Variants in FAM169A observed in about 807,000 individuals in gnomAD.
FAM169A encodes the protein soluble lamin-associated protein of 75 kDa.
In FAM169A, 24 loss-of-function variants were observed where a neutral mutation model predicts 75.7. The observed-to-expected ratio is 0.32, with a 90% CI of 0.23 to 0.45. The LOEUF is 0.45. Among genes scored for constraint, FAM169A ranks in the 20% least tolerant of loss-of-function variants. The pLI is 1.00. For missense variants in FAM169A, 673 were observed against 784.0 expected, an observed-to-expected ratio of 0.86 and a Z score of 1.69; for synonymous variants, 271 against 271.0, an observed-to-expected ratio of 1.00 and a Z score of 0.00.
intron 1 of FAM169A, among the ~76,000 whole-genome samples, chr5:74,848,065 GACAC>G (rs1749251386): frequency 6.6e-6 from 1 of 151,904 alleles, no homozygotes; most frequent in Admixed American, 6.6e-5. Flanking sequence ...CAAAGGCCCA[GACAC>G]ACACACACCT....
Position 74,785,231 on chromosome 5 carries a change from T to G in FAM169A, c.1261-2097A>C, listed in dbSNP as rs183364874. ...GTACTCGGGAGGCTGAGGCAGAGAA[T>G]TGCTTGAACCTGGGAGGTAGAGGTT... On this transcript the variant is annotated intron_variant, in intron 11 of 12. Coordinates refer to ENST00000687041, the MANE Select transcript of FAM169A (RefSeq NM_001376049.1). 4.5e-3 allele frequency among the ~76,000 whole-genome samples: 685 copies of G among 151,958 alleles called. 3 individuals carry two copies. Among genetic ancestry groups the G allele is most frequent in the African/African-American group, 0.016 (645 of 41,456 alleles).
chr5:74,812,051 A>G (rs1747221871), intron 6 of FAM169A, among the ~76,000 whole-genome samples: 2 of 152,242 alleles, frequency 1.3e-5, no homozygotes, highest in Admixed American at 1.3e-4. Context: ...GGCTTCGACC[A>G]TATTGGCAAC....
In FAM169A at chr5:74,823,752, C is replaced by T. The variant is rs142414048; in HGVS notation, c.491-9733G>A. 2.1e-3 allele frequency among the ~76,000 whole-genome samples: 320 copies of T among 152,284 alleles called. 1 individual carries two copies. Among genetic ancestry groups the T allele is most frequent in the African/African-American group, 7.3e-3 (305 of 41,552 alleles). The stretch of plus-strand genomic sequence containing the variant: ...CATTTCAGGTAGCCACAGAGTAGTA[C>T]GGGACTCTCACATGCCTTTGCACAT... On this transcript the variant is annotated intron_variant, in intron 5 of 12. Coordinates refer to ENST00000687041, the MANE Select transcript of FAM169A (RefSeq NM_001376049.1).
chr5:74,810,807 T>C (rs1747146407), intron 6 of FAM169A, among the ~76,000 whole-genome samples: 1 of 129,794 alleles, frequency 7.7e-6, no homozygotes, highest in Non-Finnish European at 1.6e-5. Flanking sequence ...TATAACTTAA[T>C]AGATATTTGC....
At chr5:74,855,919 T>TAA (rs1749683404) in intron 1 of FAM169A, among the ~76,000 whole-genome samples, 6 of 152,264 alleles carry the variant, frequency 3.9e-5, no homozygotes, top group Admixed American at 3.9e-4. Context: ...TCTGAGGTCT[T>TAA]AGATTTCAGT....
At chr5:74,821,920 G>A (rs1348669526) in intron 5 of FAM169A, among the ~76,000 whole-genome samples, 4 of 152,206 alleles carry the variant, frequency 2.6e-5, no homozygotes, top group African/African-American at 9.6e-5. Context: ...GTGGCTGCAG[G>A]TGGAAGAAAC....
chr5:74,824,127 C>T (rs1747898032), intron 5 of FAM169A, among the ~76,000 whole-genome samples: 1 of 152,116 alleles, frequency 6.6e-6, no homozygotes, highest in African/African-American at 2.4e-5. Context: ...AAATACACTT[C>T]CTGGTATTGG....
intron 5 of FAM169A, among the ~76,000 whole-genome samples, chr5:74,818,865 C>T (rs1580122880): frequency 6.9e-6 from 1 of 145,754 alleles, no homozygotes; most frequent in Non-Finnish European, 1.5e-5. Context: ...GGCAGGTTTT[C>T]GTATGTCAGT....
chr5:74,811,788 C>A lies in FAM169A; in HGVS notation c.670+2052G>T, dbSNP rs528697065. ...TCCATAAAATGGAATACGGCATTGA[C>A]GATAAATGGAACTATACGAATCCAT... On this transcript the variant is annotated intron_variant, in intron 6 of 12. Coordinates refer to ENST00000687041, the MANE Select transcript of FAM169A (RefSeq NM_001376049.1). Among the ~76,000 whole-genome samples, 11 of 152,126 alleles carry A rather than the reference C, an allele frequency of 7.2e-5. No individual in the cohort carries two copies. The South Asian group carries it at 1.9e-3, about 26-fold the overall frequency.
intron 5 of FAM169A, among the ~76,000 whole-genome samples, chr5:74,818,799 C>CTATATATATATA: frequency 7.9e-6 from 1 of 125,980 alleles, no homozygotes. Flanking sequence ...CTCTCTCTCT[C>CTATATATATATA]TCTCTATATA....
In FAM169A at chr5:74,777,768, C is replaced by CTACTT. The variant is rs1745195722; in HGVS notation, c.*3687_*3691dup. The CTACTT allele has an allele frequency of 6.6e-6, 1 of 151,840 alleles. No individual in the cohort carries two copies. The highest frequency in any genetic ancestry group is 1.9e-4 in the East Asian group (1 of 5,170). The allele number at this position is 151,840 out of a possible 1,614,324, so 9.4% of individuals were successfully genotyped here. On this transcript the variant is annotated 3_prime_UTR_variant, in exon 13 of 13. Coordinates refer to ENST00000687041, the MANE Select transcript of FAM169A (RefSeq NM_001376049.1). ...CAATCACAAAATATAGGTTTAATTA[C>CTACTT]TACTTTTAAACTTAAAAAAAAATAA...
chr5:74,839,522 A>ATTTTTTT (rs200682932), intron 3 of FAM169A, among the ~76,000 whole-genome samples: 1 of 130,810 alleles, frequency 7.6e-6, no homozygotes. Flanking sequence ...TCAATTTTTA[A>ATTTTTTT]TTTTTTTTTT....
At chr5:74,787,736 A>T (rs1489680795) in intron 11 of FAM169A, among the ~76,000 whole-genome samples, 1 of 152,148 alleles carries the variant, frequency 6.6e-6, no homozygotes, top group Non-Finnish European at 1.5e-5. Context: ...CAATCAGAAT[A>T]ATCTGACTTG....
chr5:74,850,098 C>A (rs1460706069), intron 1 of FAM169A, among the ~76,000 whole-genome samples: 1 of 152,200 alleles, frequency 6.6e-6, no homozygotes, highest in East Asian at 1.9e-4. Flanking sequence ...CCGAACACTT[C>A]ACGTGTATCA....
intron 10 of FAM169A, chr5:74,799,337 G>A: frequency 6.2e-7 from 1 of 1,608,178 alleles, no homozygotes; most frequent in Non-Finnish European, 8.5e-7. Context: ...GCTGTGGGAA[G>A]TGAAGCACGA....
rs761016690 is a variant in FAM169A at position 74,782,922 on chromosome 5, C to G, written c.1464+9G>C. On this transcript the variant is annotated intron_variant, in intron 12 of 12. Coordinates refer to ENST00000687041, the MANE Select transcript of FAM169A (RefSeq NM_001376049.1). ...AACTTTATTAAAAAATAGCTCATTG[C>G]CCCCTTACCTTATCTGGTGCATCTA... is the stretch of plus-strand genomic sequence containing the variant. The G allele has an allele frequency of 8.1e-6, 13 of 1,599,816 alleles. No homozygotes were observed. The highest frequency in any genetic ancestry group is 1.1e-5 in the Non-Finnish European group (13 of 1,170,036).
Position 74,779,489 on chromosome 5 carries a change from A to G in FAM169A, c.*1971T>C, listed in dbSNP as rs1228957271. On this transcript the variant is annotated 3_prime_UTR_variant, in exon 13 of 13. Coordinates refer to ENST00000687041, the MANE Select transcript of FAM169A (RefSeq NM_001376049.1). ...ATCTACAAGTGTTTTCAAATCTAAG[A>G]AATGAAACATGTAAAGATTAAGAAT... The G allele has an allele frequency of 6.6e-6, 1 of 152,200 alleles. No individual in the cohort carries two copies. 9.4% of individuals were successfully genotyped at this position (152,200 alleles called of 1,614,324 possible). A position where few individuals can be genotyped will look rare whatever the true frequency, so the allele number is the denominator to read the frequency against.
intron 5 of FAM169A, among the ~76,000 whole-genome samples, chr5:74,819,865 G>A (rs1366189243): frequency 1.3e-5 from 2 of 152,182 alleles, no homozygotes; most frequent in Non-Finnish European, 2.9e-5. Flanking sequence ...GCCTAGGAGT[G>A]AGGAGGAAAT....
chr5:74,863,798 A>G (rs1750161505), intron 1 of FAM169A, among the ~76,000 whole-genome samples: 1 of 152,226 alleles, frequency 6.6e-6, no homozygotes, highest in Non-Finnish European at 1.5e-5. Context: ...CAATTCAGTG[A>G]ACTTCTCTGA....
Sources: allele counts gnomAD v4.1 joint callset (sites outside exome capture counted in the v4.1 genomes callset), GRCh38; gene constraint gnomAD v4.1.1; transcripts MANE v1.5; gene names NCBI Gene and HGNC (gene_info 2026-07-23, HGNC 2026-07-21).